GRP: variants seen among roughly 807,000 people sequenced by gnomAD.
GRP encodes the protein gastrin-releasing peptide.
A neutral mutation model predicts 12.7 loss-of-function variants in GRP; 11 were observed. The ratio of observed to expected loss-of-function variants is 0.87; its 90% CI spans 0.55 to 1.44. The LOEUF (loss-of-function observed/expected upper bound fraction) is 1.44, where lower values mean the gene tolerates loss of function less well. Among genes scored for constraint, GRP ranks in the 40% most tolerant of loss-of-function variants. GRP has a pLI of 0.00. For synonymous variants in GRP, 84 were observed against 77.7 expected (o/e 1.08, Z -0.43); for missense variants, 212 against 185.4 (o/e 1.14, Z -0.83).
At chr18:59,222,671 T>C (rs571205951) in intron 1 of GRP, among the ~76,000 whole-genome samples, 1 of 152,308 alleles carries the variant, frequency 6.6e-6, no homozygotes, top group African/African-American at 2.4e-5. Context: ...TAGTTTTAAT[T>C]ATATAAAACC....
rs929157593 is a variant in GRP, at chr18:59,220,188, G to A, written c.-78G>A. The A allele has an allele frequency of 9.1e-6, 11 of 1,204,468 alleles. No homozygotes were observed. In the Admixed American group the frequency reaches 2.2e-4, roughly 24 times the overall value. 74.6% of individuals were successfully genotyped at this position (1,204,468 alleles called of 1,614,324 possible). ...TAGCACCAGCGGCTGCGGCGGCGGAGCTCCTCCGAGGTCCGGGTCACCAGT... is the reference window on the plus strand; with the variant it reads ...TAGCACCAGCGGCTGCGGCGGCGGAACTCCTCCGAGGTCCGGGTCACCAGT... On this transcript the variant is annotated 5_prime_UTR_variant, in exon 1 of 3. Transcript: ENST00000256857.
Position 59,230,657 on chromosome 18 carries a change from A to G in GRP, c.*189A>G, listed in dbSNP as rs761560939. ...GGTTTAAACTTGTTTGCTGTGAACA[A>G]TTGTCGAAAAGAGTCTTCCAATTAA... is the stretch of plus-strand genomic sequence containing the variant. On this transcript the variant is annotated 3_prime_UTR_variant, in exon 3 of 3. Transcript: ENST00000256857. 3.5e-6 allele frequency: 2 copies of G among 565,682 alleles called. No individual in the cohort carries two copies. The highest frequency in any genetic ancestry group is 2.9e-5 in the East Asian group (1 of 34,878). The allele number at this position is 565,682 out of a possible 1,614,324, so 35.0% of individuals were successfully genotyped here. A position where few individuals can be genotyped will look rare whatever the true frequency, so the allele number is the denominator to read the frequency against.
intron 2 of GRP, among the ~76,000 whole-genome samples, chr18:59,227,020 T>TCTTTCTTTCTTTCTTTCTTTCTTTCTTC (rs1555663417): frequency 1.7e-3 from 241 of 141,992 alleles, no homozygotes; most frequent in African/African-American, 3.5e-3. Flanking sequence ...TTTCTTTCTT[T>TCTTTCTTTCTTTCTTTCTTTCTTTCTTC]CTTTCTTTCT....
intron 1 of GRP, among the ~76,000 whole-genome samples, chr18:59,223,142 T>G (rs1568082962): frequency 6.6e-6 from 1 of 152,232 alleles, no homozygotes; most frequent in East Asian, 1.9e-4. Flanking sequence ...AAATGATTAA[T>G]AAAAAGAACA....
At chr18:59,227,984 T>TA (rs145346957) in intron 2 of GRP, among the ~76,000 whole-genome samples, 4 of 152,054 alleles carry the variant, frequency 2.6e-5, no homozygotes, top group Non-Finnish European at 5.9e-5. Flanking sequence ...AAAAAGATGA[T>TA]AAAAAAAATC....
intron 2 of GRP, among the ~76,000 whole-genome samples, chr18:59,226,946 TCTTC>T (rs1436308321): frequency 6.6e-6 from 1 of 152,040 alleles, no homozygotes; most frequent in African/African-American, 2.4e-5. Context: ...CTTTTTTCTT[TCTTC>T]CTTCCTTTCT....
intron 1 of GRP, among the ~76,000 whole-genome samples, chr18:59,223,450 T>C (rs1430622197): frequency 6.6e-6 from 1 of 152,202 alleles, no homozygotes; most frequent in Admixed American, 6.5e-5. Flanking sequence ...ACATTCCCCA[T>C]ATATGCAAGT....
In GRP at chr18:59,220,169, C is replaced by T. The variant is rs2069802769; in HGVS notation, c.-97C>T. 4 of 982,822 alleles carry T rather than the reference C, an allele frequency of 4.1e-6. No homozygotes were observed. The highest frequency in any genetic ancestry group is 5.6e-6 in the Non-Finnish European group (4 of 719,106). 60.9% of individuals were successfully genotyped at this position (982,822 alleles called of 1,614,324 possible). The stretch of plus-strand genomic sequence containing the variant: ...CTAGTGGAGGCCGCAGCAGTAGCAC[C>T]AGCGGCTGCGGCGGCGGAGCTCCTC... On this transcript the variant is annotated 5_prime_UTR_variant, in exon 1 of 3. Transcript: ENST00000256857.
At chr18:59,223,646 A>G (rs143753527) in intron 1 of GRP, among the ~76,000 whole-genome samples, 1 of 152,352 alleles carries the variant, frequency 6.6e-6, no homozygotes, top group Non-Finnish European at 1.5e-5. Context: ...GTCAGTTAGA[A>G]GGGCAAGGTG....
upstream of GRP, among the ~76,000 whole-genome samples, chr18:59,219,795 T>G (rs2069797228): frequency 6.7e-6 from 1 of 150,180 alleles, no homozygotes; most frequent in Non-Finnish European, 1.5e-5. Context: ...CCCCCACCCC[T>G]CCCGGCCCAG....
At position 59,230,543 on chromosome 18, in the gene GRP, T is replaced by G. The variant is rs1015430105; in HGVS notation, c.*75T>G. 3.6e-6 allele frequency: 3 copies of G among 825,908 alleles called. No homozygotes were observed. In the Admixed American group the frequency reaches 5.4e-5, roughly 15 times the overall value. 51.2% of individuals were successfully genotyped at this position (825,908 alleles called of 1,614,324 possible). ...GTTCTGCAAGCATCAGTTCTACGGA[T>G]CATCAACAAGATTTCCTTGTGCAAA... On this transcript the variant is annotated 3_prime_UTR_variant, in exon 3 of 3. Coordinates refer to ENST00000256857, the MANE Select transcript of GRP (RefSeq NM_002091.5).
At position 59,225,727 on chromosome 18, in the gene GRP, A is replaced by T. The variant is rs759735431; in HGVS notation, c.375A>T (p.Lys125Asn). The change falls in exon 2 of 3, where the codon AAA (lysine) becomes AAT (asparagine). Residue 125 changes from lysine (K) to asparagine (N), a missense_variant. Lys to Asn is a moderately conservative substitution (Grantham distance 94, BLOSUM62 0). Coordinates refer to ENST00000256857, the MANE Select transcript of GRP (RefSeq NM_002091.5). ...GCAACTTCAAAGATGTAGGTTCAAA[A>T]GGCAAAGGTAAAAGAAACATACATG... Reference protein sequence around the residue: ...DSSNFKDVGSKGKVGRLSAPG... With the variant: ...DSSNFKDVGSNGKVGRLSAPG... 1 of 1,613,846 alleles carries T rather than the reference A, an allele frequency of 6.2e-7. No individual in the cohort carries two copies. Among genetic ancestry groups the T allele is most frequent in the African/African-American group, 1.3e-5 (1 of 75,008 alleles).
intron 2 of GRP, among the ~76,000 whole-genome samples, chr18:59,229,021 G>T (rs1447430558): frequency 1.3e-5 from 2 of 152,178 alleles, no homozygotes; most frequent in East Asian, 3.9e-4. Flanking sequence ...ACTTTTAAGG[G>T]ACTGCTCTCA....
Position 59,230,586 on chromosome 18 carries a change from A to G in GRP, c.*118A>G. On this transcript the variant is annotated 3_prime_UTR_variant, in exon 3 of 3. Transcript: ENST00000256857. ...TGTGCAAAATATTTGACTATTCTGT[A>G]TCTTTCATCCTTGACTAAATTCGTG... is the stretch of plus-strand genomic sequence containing the variant. 1 of 678,074 alleles carries G rather than the reference A, an allele frequency of 1.5e-6. No homozygotes were observed. The highest frequency in any genetic ancestry group is 1.7e-5 in the South Asian group (1 of 58,476). The allele number at this position is 678,074 out of a possible 1,614,324, so 42.0% of individuals were successfully genotyped here.
intron 2 of GRP, among the ~76,000 whole-genome samples, chr18:59,227,085 TGCTCTCTC>T (rs2069953945): frequency 8.4e-6 from 1 of 119,632 alleles, no homozygotes; most frequent in Non-Finnish European, 1.8e-5. Flanking sequence ...CTTTCTCTCT[TGCTCTCTC>T]TCTCTCTTTT....
At position 59,220,184 on chromosome 18, in the gene GRP, C is replaced by T; in HGVS notation, c.-82C>T. ...GCAGTAGCACCAGCGGCTGCGGCGG[C>T]GGAGCTCCTCCGAGGTCCGGGTCAC... On this transcript the variant is annotated 5_prime_UTR_variant, in exon 1 of 3. Transcript: ENST00000256857. 6.0e-6 allele frequency: 7 copies of T among 1,166,598 alleles called. No individual in the cohort carries two copies. The highest frequency in any genetic ancestry group is 7.9e-6 in the Non-Finnish European group (7 of 889,334). The allele number at this position is 1,166,598 out of a possible 1,614,324, so 72.3% of individuals were successfully genotyped here.
In GRP at chr18:59,227,099, CT is replaced by C. The variant is rs1425814976; in HGVS notation, c.382+1376del. Among the ~76,000 whole-genome samples the C allele has an allele frequency of 5.7e-4, 68 of 120,246 alleles. 1 individual carries two copies. The highest frequency in any genetic ancestry group is 1.4e-3 in the African/African-American group (43 of 31,394). The allele number at this position is 120,246 out of a possible 152,430, so 78.9% of individuals were successfully genotyped here. A position where few individuals can be genotyped will look rare whatever the true frequency, so the allele number is the denominator to read the frequency against. ...CCTTTCTCTCTTGCTCTCTCTCTCT[CT>C]TTTTTTTTTTGACAAGGACTGGCTA... On this transcript the variant is annotated intron_variant, in intron 2 of 2. Coordinates refer to ENST00000256857, the MANE Select transcript of GRP (RefSeq NM_002091.5).
intron 1 of GRP, among the ~76,000 whole-genome samples, chr18:59,220,698 G>C (rs1202923140): frequency 2.0e-5 from 3 of 152,106 alleles, no homozygotes; most frequent in Non-Finnish European, 2.9e-5. Context: ...GCCAACCCCG[G>C]TGCAGATCAC....
chr18:59,221,333 C>T (rs1014818524), intron 1 of GRP, among the ~76,000 whole-genome samples: 1 of 152,218 alleles, frequency 6.6e-6, no homozygotes, highest in African/African-American at 2.4e-5. Context: ...CAGGATTCCG[C>T]CCTGCGCGCA....
Sources: gnomAD v4.1 joint callset for allele counts (sites outside exome capture counted in the v4.1 genomes callset) on GRCh38, gnomAD v4.1.1 for gene constraint, MANE v1.5 for transcripts, NCBI Gene and HGNC (gene_info 2026-07-23, HGNC 2026-07-21) for gene names.